Variants in CACNA1A observed in about 807,000 individuals in gnomAD.
The protein encoded by CACNA1A is voltage-dependent P/Q-type calcium channel subunit alpha-1A.
CACNA1A carries 57 observed loss-of-function variants against 262.4 expected under a neutral mutation model. That is an observed-to-expected ratio of 0.22 (90% confidence interval 0.18 to 0.27). CACNA1A has a LOEUF of 0.27. Among genes scored for constraint, CACNA1A ranks in the 10% least tolerant of loss-of-function variants. CACNA1A has a pLI of 1.00. For synonymous variants in CACNA1A, 1,431 were observed against 1,419.3 expected, an observed-to-expected ratio of 1.01 and a Z score of -0.18; for missense variants, 2,526 against 3,562.8, an observed-to-expected ratio of 0.71 and a Z score of 7.41.
chr19:13,362,921 C>G (rs958960681), intron 5 of CACNA1A: 27 of 152,398 alleles, frequency 1.8e-4, no homozygotes, highest in African/African-American at 2.7e-4. Flanking sequence ...CCTCAACCCC[C>G]CAACCACCGA....
At chr19:13,244,420 A>G (rs1373749940) in intron 31 of CACNA1A, 1 of 152,258 alleles carries the variant, frequency 6.6e-6, no homozygotes, top group East Asian at 1.9e-4. Flanking sequence ...TGTTAGTAAG[A>G]TGACATTGGT....
chr19:13,427,453 AAAAT>A (rs58681300), intron 3 of CACNA1A, among the ~76,000 whole-genome samples: 15,435 of 136,130 alleles, frequency 0.11, 973 homozygotes, highest in South Asian at 0.26. Flanking sequence ...ACTCCATCTC[AAAAT>A]AAATAAATAA....
At chr19:13,325,179 CTCTTCT>C (rs999766263) in intron 10 of CACNA1A, among the ~76,000 whole-genome samples, 14 of 138,650 alleles carry the variant, frequency 1.0e-4, no homozygotes, top group Non-Finnish European at 1.8e-4. Context: ...TTCTTTCCTC[CTCTTCT>C]TCTTCTTCTT....
intron 19 of CACNA1A, among the ~76,000 whole-genome samples, chr19:13,288,349 C>T (rs957069377): frequency 4.0e-5 from 6 of 151,862 alleles, no homozygotes; most frequent in Non-Finnish European, 5.9e-5. Context: ...AAGTGATCCT[C>T]GTGCCTCAGC....
At chr19:13,484,883 A>T (rs1979789283) in intron 1 of CACNA1A, among the ~76,000 whole-genome samples, 1 of 152,238 alleles carries the variant, frequency 6.6e-6, no homozygotes, top group Non-Finnish European at 1.5e-5. Flanking sequence ...CTTTTAGAGC[A>T]AGCCAGACTT....
intron 37 of CACNA1A, chr19:13,227,212 T>A: frequency 3.3e-6 from 1 of 299,924 alleles, no homozygotes; most frequent in Non-Finnish European, 6.2e-6. Flanking sequence ...ACGAAGACAC[T>A]CATCAGAAAG....
intron 15 of CACNA1A, among the ~76,000 whole-genome samples, chr19:13,304,655 G>T (rs1480240292): frequency 1.5e-4 from 10 of 66,462 alleles, no homozygotes; most frequent in African/African-American, 1.8e-4. Context: ...TGAGATTTTT[G>T]TCTCAAAAAA....
chr19:13,335,012 A>G (rs2058539462), intron 7 of CACNA1A, among the ~76,000 whole-genome samples: 1 of 150,202 alleles, frequency 6.7e-6, no homozygotes, highest in African/African-American at 2.4e-5. Context: ...CAGTCTGGGT[A>G]ATAAAGCTAG....
At position 13,234,970 on chromosome 19, in the gene CACNA1A, C is replaced by T. The variant is rs1064795744; in HGVS notation, c.5200G>A (p.Glu1734Lys). 7.4e-6 allele frequency: 12 copies of T among 1,613,954 alleles called. No homozygotes were observed. The highest frequency in any genetic ancestry group is 1.0e-5 in the Non-Finnish European group (12 of 1,179,832). ...DSDEDEFQITEHNNFRTFFQA... is the reference protein window; with the variant it reads ...DSDEDEFQITKHNNFRTFFQA... ...AAGAAGGTCCGGAAGTTATTGTGCT[C>T]AGTGATTTGGAACTCATCTTCATCA... is the stretch of plus-strand genomic sequence containing the variant. The change falls in exon 34 of 47, where the codon GAG becomes AAG. Residue 1734 changes from glutamate (E) to lysine (K), a missense_variant. Coordinates refer to ENST00000360228, the MANE Select transcript of CACNA1A (RefSeq NM_001127222.2).
intron 19 of CACNA1A, among the ~76,000 whole-genome samples, chr19:13,297,104 G>A (rs188860466): frequency 2.6e-5 from 4 of 152,176 alleles, no homozygotes; most frequent in East Asian, 1.9e-4. Flanking sequence ...TAAATTTACC[G>A]AGCACTTATT....
chr19:13,349,787 G>C (rs1289648422), intron 6 of CACNA1A, among the ~76,000 whole-genome samples: 1 of 152,296 alleles, frequency 6.6e-6, no homozygotes, highest in South Asian at 2.1e-4. Context: ...AAAGGCCCTA[G>C]CTCAGAGAGT....
rs761929729 is a variant in CACNA1A at position 13,299,101 on chromosome 19, G to A, written c.2532C>T (p.Thr844=). 3.7e-6 allele frequency: 6 copies of A among 1,611,890 alleles called. No individual in the cohort carries two copies. The highest frequency in any genetic ancestry group is 1.6e-4 in the Middle Eastern group (1 of 6,080). ...GCTGCTGGCCGAGGCGCTGGTCCAC[G>A]GTGGGCTCGGCCGCCCGGCTCTTGT... The part of the protein sequence containing the change: ...NTNKSRAAEP[T]VDQRLGQQRA... The change falls in exon 19 of 47, where the codon ACC becomes ACT. Residue 844 remains threonine (T), a synonymous_variant. Coordinates refer to ENST00000360228, the MANE Select transcript of CACNA1A (RefSeq NM_001127222.2).
In CACNA1A at chr19:13,351,078, G is replaced by T. The variant is rs979568491; in HGVS notation, c.978+8528C>A. On this transcript the variant is annotated intron_variant, in intron 6 of 46. Coordinates refer to ENST00000360228, the MANE Select transcript of CACNA1A (RefSeq NM_001127222.2). ...TTACATAATATCCACATCCCTGGGG[G>T]ATACTAATCTTCATCATTTGGTTAA... 5.3e-5 allele frequency among the ~76,000 whole-genome samples: 8 copies of T among 152,216 alleles called. 1 individual carries two copies. The highest frequency in any genetic ancestry group is 1.9e-4 in the African/African-American group (8 of 41,552).
chr19:13,380,948 A>AT (rs1191750423), intron 3 of CACNA1A, among the ~76,000 whole-genome samples: 7 of 151,010 alleles, frequency 4.6e-5, no homozygotes, highest in African/African-American at 1.5e-4. Context: ...TAATTTTTGT[A>AT]TTTTTTTTGG....
intron 10 of CACNA1A, among the ~76,000 whole-genome samples, chr19:13,320,622 G>A (rs12611292): frequency 0.046 from 7,008 of 152,114 alleles, 258 homozygotes; most frequent in East Asian, 0.13. Flanking sequence ...TAAGGGAGAG[G>A]GAAATGAATA....
At chr19:13,321,837 C>T (rs879186293) in intron 10 of CACNA1A, among the ~76,000 whole-genome samples, 1 of 151,886 alleles carries the variant, frequency 6.6e-6, no homozygotes, top group Admixed American at 6.6e-5. Context: ...TATTATTGTA[C>T]ACTCCTGTAT....
At chr19:13,408,337 T>C (rs954904168) in intron 3 of CACNA1A, among the ~76,000 whole-genome samples, 10 of 152,138 alleles carry the variant, frequency 6.6e-5, no homozygotes, top group African/African-American at 9.7e-5. Context: ...GCCACTGCAC[T>C]CTAGCCTGGG....
intron 11 of CACNA1A, 51 bp from the exon 12 acceptor site, chr19:13,312,832 G>T: frequency 1.1e-6 from 1 of 919,254 alleles, no homozygotes; most frequent in Non-Finnish European, 1.7e-6. Context: ...GCTGAGGGTA[G>T]GGGTTCCAGG....
chr19:13,219,329 A>G (rs2055135704), intron 38 of CACNA1A, among the ~76,000 whole-genome samples: 1 of 152,156 alleles, frequency 6.6e-6, no homozygotes, highest in Non-Finnish European at 1.5e-5. Context: ...GGCGTGAGCC[A>G]CCGTGCCCGG....
Sources: gnomAD v4.1 joint callset for allele counts (sites outside exome capture counted in the v4.1 genomes callset) on GRCh38, gnomAD v4.1.1 for gene constraint, MANE v1.5 for transcripts, NCBI Gene and HGNC (gene_info 2026-07-23, HGNC 2026-07-21) for gene names.